Variants in MPDZ observed in about 807,000 individuals in gnomAD.
MPDZ encodes multiple PDZ domain crumbs cell polarity complex component, also known as multiple PDZ domain protein.
MPDZ carries 234 observed loss-of-function variants against 239.1 expected under a neutral mutation model. The ratio of observed to expected loss-of-function variants is 0.98; its 90% CI spans 0.88 to 1.09. MPDZ has a LOEUF of 1.09. MPDZ is among the 50% of genes least tolerant of loss of function. The probability of loss-of-function intolerance (pLI) is 0.00; values close to 1 mark genes in which losing one functional copy is unlikely to be tolerated. For missense variants in MPDZ, 3,175 were observed against 2,510.0 expected (o/e 1.26, Z -5.66); for synonymous variants, 1,048 against 881.3 (o/e 1.19, Z -3.35).
chr9:13,227,885 G>A (rs902660534), intron 3 of MPDZ, among the ~76,000 whole-genome samples: 2 of 152,054 alleles, frequency 1.3e-5, no homozygotes, highest in African/African-American at 4.8e-5. Context: ...CCATACAAAA[G>A]TCTTATTTAT....
chr9:13,181,942 G>C (rs528529794), intron 19 of MPDZ, among the ~76,000 whole-genome samples: 1 of 152,174 alleles, frequency 6.6e-6, no homozygotes, highest in Non-Finnish European at 1.5e-5. Flanking sequence ...CAGCCAGACA[G>C]ACAGTCTCAG....
At chr9:13,175,972 C>A in intron 20 of MPDZ, 97 bp from the exon 21 acceptor site, 5 of 1,460,802 alleles carry the variant, frequency 3.4e-6, no homozygotes, top group Non-Finnish European at 4.5e-6. Context: ...ATTGATTGTG[C>A]TTTATTTTGC....
At chr9:13,216,903 A>T in intron 9 of MPDZ, 41 bp from the exon 10 acceptor site, 2 of 1,468,138 alleles carry the variant, frequency 1.4e-6, no homozygotes, top group Non-Finnish European at 1.9e-6. Flanking sequence ...TTTTCAAAGC[A>T]CATTCAAAGA....
At chr9:13,188,422 G>C (rs550848548) in intron 17 of MPDZ, among the ~76,000 whole-genome samples, 1 of 152,172 alleles carries the variant, frequency 6.6e-6, no homozygotes, top group South Asian at 2.1e-4. Flanking sequence ...GTCTTAGGAG[G>C]CAGGAGAATC....
At chr9:13,199,981 T>G (rs536440446) in intron 12 of MPDZ, among the ~76,000 whole-genome samples, 7 of 152,014 alleles carry the variant, frequency 4.6e-5, no homozygotes, top group Non-Finnish European at 1.0e-4. Context: ...AATGGGTTTG[T>G]GAGTATTCCC....
chr9:13,192,353 G>T, intron 14 of MPDZ, 58 bp from the exon 15 acceptor site: 1 of 1,434,676 alleles, frequency 7.0e-7, no homozygotes, highest in South Asian at 1.3e-5. Flanking sequence ...ACATTCTTTT[G>T]AACACAATTT....
At chr9:13,127,458 GTTTAC>G (rs927518786) in intron 32 of MPDZ, among the ~76,000 whole-genome samples, 43 of 152,228 alleles carry the variant, frequency 2.8e-4, no homozygotes, top group African/African-American at 1.0e-3. Flanking sequence ...TTTCTTTAAT[GTTTAC>G]TTTAATAAAA....
intron 3 of MPDZ, among the ~76,000 whole-genome samples, chr9:13,232,345 G>A (rs185596905): frequency 6.6e-6 from 1 of 152,146 alleles, no homozygotes; most frequent in Admixed American, 6.5e-5. Flanking sequence ...TGTTTAATTG[G>A]AACACAACAT....
intron 23 of MPDZ, among the ~76,000 whole-genome samples, chr9:13,159,148 AATCCAGTC>A (rs1234249476): frequency 1.3e-5 from 2 of 152,166 alleles, no homozygotes; most frequent in African/African-American, 4.8e-5. Flanking sequence ...GAAGTCATCT[AATCCAGTC>A]ATCCATCTGA....
chr9:13,279,009 GA>G, intron 1 of MPDZ: 1 of 152,018 alleles, frequency 6.6e-6, no homozygotes, highest in Non-Finnish European at 1.5e-5. Context: ...CTGGGTCAAG[GA>G]AAAGGAAAAA....
intron 3 of MPDZ, among the ~76,000 whole-genome samples, chr9:13,229,706 CAG>C (rs1023046762): frequency 6.6e-6 from 1 of 151,706 alleles, no homozygotes; most frequent in Non-Finnish European, 1.5e-5. Context: ...GATCCCTATG[CAG>C]AAAGTATTAT....
chr9:13,187,729 C>T (rs112721968), intron 17 of MPDZ, among the ~76,000 whole-genome samples: 1,338 of 94,548 alleles, frequency 0.014, 18 homozygotes, highest in African/African-American at 0.048. Context: ...TTGCTACTTA[C>T]GAAATTATAT....
At chr9:13,180,482 G>C (rs1482376204) in intron 19 of MPDZ, among the ~76,000 whole-genome samples, 1 of 151,992 alleles carries the variant, frequency 6.6e-6, no homozygotes, top group Admixed American at 6.6e-5. Context: ...TGTGAATAAG[G>C]AGTAGAAGGG....
chr9:13,162,105 A>G (rs1337579353), intron 23 of MPDZ, among the ~76,000 whole-genome samples: 1 of 152,084 alleles, frequency 6.6e-6, no homozygotes. Flanking sequence ...TCTCTACAAA[A>G]AATACAGAAT....
intron 18 of MPDZ, 21 bp from the exon 19 acceptor site, chr9:13,183,606 T>A: frequency 1.2e-6 from 2 of 1,608,734 alleles, no homozygotes; most frequent in Non-Finnish European, 1.7e-6. Context: ...AACAATAATA[T>A]CAGTTGGGAA....
intron 12 of MPDZ, among the ~76,000 whole-genome samples, chr9:13,196,876 G>A (rs1816218956): frequency 1.3e-5 from 2 of 151,854 alleles, no homozygotes; most frequent in African/African-American, 4.8e-5. Flanking sequence ...GAAATTTGAA[G>A]TCATAGTCAA....
At chr9:13,128,181 T>A (rs1945397037) in intron 32 of MPDZ, among the ~76,000 whole-genome samples, 1 of 152,180 alleles carries the variant, frequency 6.6e-6, no homozygotes, top group Non-Finnish European at 1.5e-5. Flanking sequence ...ACTTCTTCCT[T>A]CAGGAAGGAA....
At chr9:13,127,773 A>C (rs2131870176) in intron 32 of MPDZ, among the ~76,000 whole-genome samples, 1 of 152,308 alleles carries the variant, frequency 6.6e-6, no homozygotes, top group Non-Finnish European at 1.5e-5. Context: ...CTTTCCAGGC[A>C]ATCAGTCATG....
chr9:13,179,832 G>C (rs1225963263), intron 19 of MPDZ, among the ~76,000 whole-genome samples: 1 of 152,094 alleles, frequency 6.6e-6, no homozygotes, highest in Admixed American at 6.6e-5. Context: ...TATTTACCCA[G>C]ATAATATATT....
Sources: gnomAD v4.1 joint callset for allele counts (sites outside exome capture counted in the v4.1 genomes callset) on GRCh38, gnomAD v4.1.1 for gene constraint, MANE v1.5 for transcripts, NCBI Gene and HGNC (gene_info 2026-07-23, HGNC 2026-07-21) for gene names.